TMC7: variants seen among roughly 807,000 people sequenced by gnomAD.
The protein encoded by TMC7 is transmembrane channel-like protein 7.
Under a neutral mutation model 82.9 loss-of-function variants are expected in TMC7, and 54 were observed. The observed-to-expected ratio is 0.65, with a 90% CI of 0.52 to 0.82. The LOEUF (loss-of-function observed/expected upper bound fraction) is 0.82, where lower values mean the gene tolerates loss of function less well. TMC7 is among the 40% of genes least tolerant of loss of function. The pLI is 0.00. For synonymous variants in TMC7, 350 were observed against 337.9 expected (o/e 1.04, Z -0.39); for missense variants, 820 against 901.2 (o/e 0.91, Z 1.15).
rs553365531 is a variant in TMC7, at chr16:19,009,446, T to C, written c.311+31T>C. On this transcript the variant is annotated intron_variant, in intron 2 of 15. Transcript: ENST00000304381. ...TTCACTAGCCACCTGGAACCTGCAT[T>C]GTGTATGTTATGGCCCAGAGGTATG... The C allele has an allele frequency of 1.9e-6, 3 of 1,598,702 alleles. No individual in the cohort carries two copies. The African/African-American group carries it at 4.0e-5, about 21-fold the overall frequency.
intron 1 of TMC7, among the ~76,000 whole-genome samples, chr16:19,003,576 T>A (rs1051713393): frequency 6.8e-6 from 1 of 147,692 alleles, no homozygotes; most frequent in Non-Finnish European, 1.5e-5. Flanking sequence ...AATGGCGGCT[T>A]TGTGGAATAG....
At chr16:19,038,302 T>G (rs1333727923) in intron 8 of TMC7, among the ~76,000 whole-genome samples, 1 of 152,138 alleles carries the variant, frequency 6.6e-6, no homozygotes, top group Non-Finnish European at 1.5e-5. Context: ...TTCAAATGAT[T>G]CTCCTGCCTC....
chr16:19,015,334 C>T (rs112245305), intron 2 of TMC7, among the ~76,000 whole-genome samples: 24 of 151,416 alleles, frequency 1.6e-4, no homozygotes, highest in Admixed American at 5.9e-4. Flanking sequence ...GAGATCTCAG[C>T]TCACTGCAGC....
intron 15 of TMC7, among the ~76,000 whole-genome samples, chr16:19,060,509 G>A (rs1279104593): frequency 6.6e-6 from 1 of 151,854 alleles, no homozygotes; most frequent in Admixed American, 6.6e-5. Context: ...CTGGACCCTA[G>A]CTGAGACTTG....
chr16:19,062,256 G>A lies in TMC7; in HGVS notation c.*413G>A, dbSNP rs1190353037. The stretch of plus-strand genomic sequence containing the variant: ...GTATAACAAACAGAATTGGAGGCTG[G>A]TTTCTTAAACACACACGTCCACATT... On this transcript the variant is annotated 3_prime_UTR_variant, in exon 16 of 16. Coordinates refer to ENST00000304381, the MANE Select transcript of TMC7 (RefSeq NM_024847.4). 1 of 164,572 alleles carries A rather than the reference G, an allele frequency of 6.1e-6. No homozygotes were observed. Among genetic ancestry groups the A allele is most frequent in the African/African-American group, 2.4e-5 (1 of 42,012 alleles). The allele number at this position is 164,572 out of a possible 1,614,324, so 10.2% of individuals were successfully genotyped here. A position where few individuals can be genotyped will look rare whatever the true frequency, so the allele number is the denominator to read the frequency against.
At chr16:18,985,221 T>C (rs2038823874) in intron 1 of TMC7, among the ~76,000 whole-genome samples, 1 of 149,602 alleles carries the variant, frequency 6.7e-6, no homozygotes, top group Non-Finnish European at 1.5e-5. Flanking sequence ...ATTGCGCCAC[T>C]GCACTCCAGC....
At position 19,047,216 on chromosome 16, in the gene TMC7, C is replaced by T; in HGVS notation, c.1707C>T (p.Thr569=). 6.2e-7 allele frequency: 1 copy of T among 1,613,890 alleles called. No homozygotes were observed. Residue 569 remains threonine (T), a synonymous_variant, in exon 12 of 16, where the codon ACC becomes ACT. Coordinates refer to ENST00000304381, the MANE Select transcript of TMC7 (RefSeq NM_024847.4). ...FFSPLLPAIA[T]LKFIIIFYVK... ...CACCCCTTCTCCCTGCAATTGCAAC[C>T]CTGAAATTCATTATCATCTTCTATG...
rs1379261628 is a variant in TMC7, at chr16:19,005,942, T to C, written c.68-3230T>C. On this transcript the variant is annotated intron_variant, in intron 1 of 15. Transcript: ENST00000304381. ...GCCCCAGCCACGTGTCCATGTGTCA[T>C]CTACAGTGGGACAGCTGCTCCATTG... Among the ~76,000 whole-genome samples, 3 of 152,248 alleles carry C rather than the reference T, an allele frequency of 2.0e-5. No individual in the cohort carries two copies. The South Asian group carries it at 6.2e-4, about 32-fold the overall frequency.
chr16:19,054,380 C>T (rs778697355), intron 13 of TMC7, among the ~76,000 whole-genome samples: 19 of 152,062 alleles, frequency 1.2e-4, no homozygotes, highest in Non-Finnish European at 2.5e-4. Flanking sequence ...TCTTCCCCCC[C>T]AACCACATTA....
rs992871914 is a variant in TMC7 at position 18,997,989 on chromosome 16, C to T, written c.68-11183C>T. ...TCTCGTGATCCGCCCGCCTCGGTCT[C>T]CCAAAATGCTGGGATTACAGGCGTG... On this transcript the variant is annotated intron_variant, in intron 1 of 15. Transcript: ENST00000304381. Among the ~76,000 whole-genome samples, 4 of 152,088 alleles carry T rather than the reference C, an allele frequency of 2.6e-5. No individual in the cohort carries two copies. The South Asian group carries it at 8.3e-4, about 32-fold the overall frequency.
intron 1 of TMC7, among the ~76,000 whole-genome samples, chr16:18,989,448 A>G (rs1355764303): frequency 1.3e-5 from 2 of 151,654 alleles, no homozygotes. Context: ...AGAGGGATAA[A>G]AGGCGGAAAT....
At chr16:19,050,402 A>AT (rs1567528727) in intron 12 of TMC7, among the ~76,000 whole-genome samples, 1 of 151,174 alleles carries the variant, frequency 6.6e-6, no homozygotes, top group African/African-American at 2.5e-5. Flanking sequence ...ACCAAAAAAA[A>AT]CAAAAAACTT....
chr16:19,012,770 C>CAG (rs1959435803), intron 2 of TMC7, among the ~76,000 whole-genome samples: 1 of 99,414 alleles, frequency 1.0e-5, no homozygotes. Context: ...GCCTGGGCGA[C>CAG]AGAGTGAGAT....
chr16:18,987,338 T>G (rs2038869870), intron 1 of TMC7, among the ~76,000 whole-genome samples: 1 of 152,026 alleles, frequency 6.6e-6, no homozygotes, highest in Non-Finnish European at 1.5e-5. Flanking sequence ...TTTGATGGAG[T>G]CTCACTCTGT....
At position 19,059,494 on chromosome 16, in the gene TMC7, G is replaced by GGTTTTTTTCC. The variant is rs1961910978; in HGVS notation, c.2106+2_2106+3insTTTTTTCCGT. 3 of 1,614,122 alleles carry GGTTTTTTTCC rather than the reference G, an allele frequency of 1.9e-6. No homozygotes were observed. The highest frequency in any genetic ancestry group is 2.5e-6 in the Non-Finnish European group (3 of 1,180,036). ...TCCAGCTCCGAGAGCAGCTATCCCT[G>GGTTTTTTTCC]GTAAGGAAGCATAGCTCCAGAGGGT... On this transcript the variant is annotated frameshift_variant and splice_region_variant. Transcript: ENST00000304381. LOFTEE classifies it high-confidence loss of function.
chr16:19,042,608 C>T (rs1252124386), intron 9 of TMC7, among the ~76,000 whole-genome samples: 1 of 151,332 alleles, frequency 6.6e-6, no homozygotes, highest in African/African-American at 2.4e-5. Context: ...CCCGGGTTCA[C>T]GCCATTCTTC....
At chr16:19,054,374 C>A (rs1364966414) in intron 13 of TMC7, among the ~76,000 whole-genome samples, 1 of 151,976 alleles carries the variant, frequency 6.6e-6, no homozygotes, top group Admixed American at 6.6e-5. Flanking sequence ...CCATGATCTT[C>A]CCCCCCAACC....
chr16:19,011,780 G>T (rs1266896937), intron 2 of TMC7, among the ~76,000 whole-genome samples: 1 of 152,082 alleles, frequency 6.6e-6, no homozygotes, highest in African/African-American at 2.4e-5. Context: ...GTAGGTTTGA[G>T]AATACATTAT....
Position 18,992,109 on chromosome 16 carries a change from C to T in TMC7, c.67+7979C>T, listed in dbSNP as rs566723590. On this transcript the variant is annotated intron_variant, in intron 1 of 15. Coordinates refer to ENST00000304381, the MANE Select transcript of TMC7 (RefSeq NM_024847.4). ...TGATTTATAATCCTTTGGGTATATA[C>T]CCAGTAATGGGATGGCTGGGTCAAA... 7.2e-3 allele frequency among the ~76,000 whole-genome samples: 1,100 copies of T among 152,206 alleles called. 14 individuals carry two copies. The highest frequency in any genetic ancestry group is 0.025 in the African/African-American group (1,027 of 41,518).
Sources: allele counts gnomAD v4.1 joint callset (sites outside exome capture counted in the v4.1 genomes callset), GRCh38; gene constraint gnomAD v4.1.1; transcripts MANE v1.5; gene names NCBI Gene and HGNC (gene_info 2026-07-23, HGNC 2026-07-21).